Variants in CLIC6 observed in about 807,000 individuals in gnomAD.
The protein encoded by CLIC6 is CLIC family member 6.
A neutral mutation model predicts 49.2 loss-of-function variants in CLIC6; 39 were observed. The ratio of observed to expected loss-of-function variants is 0.79; its 90% CI spans 0.61 to 1.04. The LOEUF is 1.04. Among genes scored for constraint, CLIC6 ranks in the 50% least tolerant of loss-of-function variants. The probability of loss-of-function intolerance (pLI) is 0.00; values close to 1 mark genes in which losing one functional copy is unlikely to be tolerated. For missense variants in CLIC6, 988 were observed against 993.1 expected (o/e 0.99, Z 0.07); for synonymous variants, 446 against 433.4 (o/e 1.03, Z -0.36).
At chr21:34,715,873 A>AT (rs2056082643) in intron 5 of CLIC6, among the ~76,000 whole-genome samples, 1 of 152,234 alleles carries the variant, frequency 6.6e-6, no homozygotes, top group South Asian at 2.1e-4. Context: ...ACATGCACAG[A>AT]TGTTTGGGAC....
chr21:34,669,737 G>A lies in CLIC6; in HGVS notation c.349G>A (p.Ala117Thr). The change falls in exon 1 of 6, where the codon GCG becomes ACG. Residue 117 changes from alanine to threonine, a missense_variant. Ala to Thr is a moderately conservative substitution (Grantham distance 58). Around this residue, in one of 3 missense-constraint regions of CLIC6, gnomAD observed 284 missense variants for 278.6 expected, o/e 1.02. Transcript: ENST00000349499. Reference protein sequence around the residue: ...QVEGASPGRGAQGEPRGEAQR... With the variant: ...QVEGASPGRGTQGEPRGEAQR... ...GGAGGGGGCGAGCCCGGGACGCGGC[G>A]CGCAGGGCGAGCCCCGCGGGGAGGC... 1 of 1,386,814 alleles carries A rather than the reference G, an allele frequency of 7.2e-7. No individual in the cohort carries two copies. The highest frequency in any genetic ancestry group is 9.3e-7 in the Non-Finnish European group (1 of 1,080,904). The allele number at this position is 1,386,814 out of a possible 1,614,324, so 85.9% of individuals were successfully genotyped here.
intron 1 of CLIC6, among the ~76,000 whole-genome samples, chr21:34,700,244 G>A (rs1389175732): frequency 2.0e-5 from 3 of 150,540 alleles, no homozygotes; most frequent in African/African-American, 7.4e-5. Context: ...TCAGGAGATA[G>A]AGACCATCCT....
intron 1 of CLIC6, among the ~76,000 whole-genome samples, chr21:34,687,942 A>G (rs534377794): frequency 6.6e-6 from 1 of 152,342 alleles, no homozygotes; most frequent in Non-Finnish European, 1.5e-5. Flanking sequence ...AATAAATTTT[A>G]CTGATAATTA....
chr21:34,684,545 G>T (rs1213340965), intron 1 of CLIC6, among the ~76,000 whole-genome samples: 2 of 152,190 alleles, frequency 1.3e-5, no homozygotes, highest in African/African-American at 4.8e-5. Context: ...TATACATTTT[G>T]TAGAATGTAA....
chr21:34,710,235 GGCAC>G (rs1343112825), intron 5 of CLIC6, among the ~76,000 whole-genome samples: 2 of 152,096 alleles, frequency 1.3e-5, no homozygotes, highest in Non-Finnish European at 2.9e-5. Context: ...TTAAGGAGGT[GGCAC>G]TGCACTCTGG....
intron 1 of CLIC6, among the ~76,000 whole-genome samples, chr21:34,676,639 C>G (rs1455381076): frequency 6.6e-6 from 1 of 152,026 alleles, no homozygotes; most frequent in Non-Finnish European, 1.5e-5. Flanking sequence ...GAGCAGCAGG[C>G]CATAGGAGCA....
chr21:34,694,016 A>C (rs901986791), intron 1 of CLIC6, among the ~76,000 whole-genome samples: 31 of 138,478 alleles, frequency 2.2e-4, no homozygotes, highest in Non-Finnish European at 3.8e-4. Flanking sequence ...TCTGTCGCCC[A>C]GGCTGGAGTG....
intron 1 of CLIC6, among the ~76,000 whole-genome samples, chr21:34,704,329 G>A (rs2055999971): frequency 6.6e-6 from 1 of 152,122 alleles, no homozygotes; most frequent in Admixed American, 6.5e-5. Context: ...ATAAAATTAG[G>A]CAGCAAGTCA....
intron 1 of CLIC6, among the ~76,000 whole-genome samples, chr21:34,705,530 A>G (rs2056008517): frequency 6.6e-6 from 1 of 152,088 alleles, no homozygotes; most frequent in South Asian, 2.1e-4. Context: ...ACTTCAAGAT[A>G]CCTGGAGAGA....
At chr21:34,681,951 T>G (rs1332588514) in intron 1 of CLIC6, among the ~76,000 whole-genome samples, 2 of 152,210 alleles carry the variant, frequency 1.3e-5, no homozygotes, top group Non-Finnish European at 2.9e-5. Context: ...ACATCTTGCT[T>G]TCTTCCCTTA....
At chr21:34,711,564 TAAA>T in intron 5 of CLIC6, among the ~76,000 whole-genome samples, 1 of 148,434 alleles carries the variant, frequency 6.7e-6, no homozygotes, top group Non-Finnish European at 1.5e-5. Context: ...AATAAATAAA[TAAA>T]TAAATTACAT....
intron 1 of CLIC6, among the ~76,000 whole-genome samples, chr21:34,693,029 G>A (rs993331666): frequency 6.6e-6 from 1 of 152,136 alleles, no homozygotes; most frequent in African/African-American, 2.4e-5. Flanking sequence ...TTTACCAATC[G>A]TAAATTGCTG....
chr21:34,710,950 A>C (rs1479091044), intron 5 of CLIC6, among the ~76,000 whole-genome samples: 1 of 152,150 alleles, frequency 6.6e-6, no homozygotes, highest in Non-Finnish European at 1.5e-5. Context: ...CCACACTCGG[A>C]CTCTGTAGCT....
intron 1 of CLIC6, chr21:34,705,933 T>G: frequency 3.8e-6 from 2 of 523,164 alleles, no homozygotes; most frequent in Non-Finnish European, 6.8e-6. Context: ...TGTTAAAAAT[T>G]CACATTCCTA....
intron 1 of CLIC6, among the ~76,000 whole-genome samples, chr21:34,698,440 A>G (rs1990128585): frequency 6.6e-6 from 1 of 151,460 alleles, no homozygotes; most frequent in South Asian, 2.1e-4. Flanking sequence ...GAGATAGGGA[A>G]GGGAAGGAAA....
chr21:34,699,415 C>CTATTT (rs1568966335), intron 1 of CLIC6, among the ~76,000 whole-genome samples: 1 of 134,844 alleles, frequency 7.4e-6, no homozygotes. Context: ...CCATACCTGG[C>CTATTT]TTTTTTTTTT....
At chr21:34,707,448 C>CACACACACACAA in intron 2 of CLIC6, 59 bp downstream of exon 2, 1 of 725,398 alleles carries the variant, frequency 1.4e-6, no homozygotes. Flanking sequence ...CACACACACA[C>CACACACACACAA]ACACACACAC....
At chr21:34,685,492 G>A (rs535772049) in intron 1 of CLIC6, among the ~76,000 whole-genome samples, 13 of 152,186 alleles carry the variant, frequency 8.5e-5, no homozygotes, top group Non-Finnish European at 1.9e-4. Flanking sequence ...TGAGAGCCTT[G>A]GAGGTGAGTT....
At chr21:34,672,365 A>G (rs1285595976) in intron 1 of CLIC6, among the ~76,000 whole-genome samples, 1 of 152,106 alleles carries the variant, frequency 6.6e-6, no homozygotes, top group African/African-American at 2.4e-5. Context: ...TGGTCTCGCT[A>G]TGCCACCTGG....
Sources: allele counts gnomAD v4.1 joint callset (sites outside exome capture counted in the v4.1 genomes callset), GRCh38; gene constraint gnomAD v4.1.1; regional missense constraint gnomAD v4.1.1; transcripts MANE v1.5; gene names NCBI Gene and HGNC (gene_info 2026-07-23, HGNC 2026-07-21).